Variants in ASB18 observed in about 807,000 individuals in gnomAD.
The protein encoded by ASB18 is ankyrin repeat and SOCS box protein 18.
A neutral mutation model predicts 33.4 loss-of-function variants in ASB18; 33 were observed. The observed-to-expected ratio is 0.99, with a 90% confidence interval of 0.75 to 1.32. ASB18 has a LOEUF of 1.32. Among genes scored for constraint, ASB18 ranks in the 40% most tolerant of loss-of-function variants. The pLI is 0.00. For synonymous variants in ASB18, 295 were observed against 307.6 expected, an observed-to-expected ratio of 0.96 and a Z score of 0.43; for missense variants, 694 against 655.5, an observed-to-expected ratio of 1.06 and a Z score of -0.64.
rs556567287 is a variant in ASB18, at chr2:236,202,756, C to T, written c.1102-6371G>A. On this transcript the variant is annotated intron_variant, in intron 4 of 5. Transcript: ENST00000409749. ...ATCACGCCACTGCACTCCAGCCTGG[C>T]GACAGAGTGAGACTCCGTCTCAAAA... Among the ~76,000 whole-genome samples the T allele has an allele frequency of 3.0e-4, 38 of 128,274 alleles. 1 individual carries two copies. The highest frequency in any genetic ancestry group is 1.0e-3 in the African/African-American group (33 of 31,498). The allele number at this position is 128,274 out of a possible 152,430, so 84.2% of individuals were successfully genotyped here.
rs1300828515 is a variant in ASB18 at position 236,257,380 on chromosome 2, T to C, written c.205+6761A>G. Among the ~76,000 whole-genome samples, 1 of 152,220 alleles carries C rather than the reference T, an allele frequency of 6.6e-6. No individual in the cohort carries two copies. Among genetic ancestry groups the C allele is most frequent in the Admixed American group, 6.5e-5 (1 of 15,286 alleles). ...CAAGACAGCAGAGCGCTTCTCCTCC[T>C]GCCTGCCCTGCCGTGGGTGACCTCT... is the stretch of plus-strand genomic sequence containing the variant. On this transcript the variant is annotated intron_variant, in intron 1 of 5. Transcript: ENST00000409749. The surrounding 1 kb of genome is among the most constrained non-coding windows in gnomAD (Gnocchi z 5.5).
rs750261140 is a variant in ASB18, at chr2:236,244,852, G to A, written c.206-3450C>T. ...ATATAGATGTGTTTTGACCCTTGTT[G>A]TAGAACCCTTGTTCTGACCCCTGTT... is the stretch of plus-strand genomic sequence containing the variant. On this transcript the variant is annotated intron_variant, in intron 1 of 5. Transcript: ENST00000409749. The surrounding 1 kb of genome is among the most constrained non-coding windows in gnomAD (Gnocchi z 6.1). 1.4e-4 allele frequency among the ~76,000 whole-genome samples: 21 copies of A among 152,224 alleles called. No individual in the cohort carries two copies. The highest frequency in any genetic ancestry group is 2.2e-4 in the Non-Finnish European group (15 of 68,042).
In ASB18 at chr2:236,237,937, G is replaced by C. The variant is rs1240715364; in HGVS notation, c.348C>G (p.Tyr116Ter). 2.3e-5 allele frequency: 35 copies of C among 1,505,448 alleles called. No individual in the cohort carries two copies. The highest frequency in any genetic ancestry group is 3.0e-5 in the Non-Finnish European group (34 of 1,133,316). The allele number at this position is 1,505,448 out of a possible 1,614,324, so 93.3% of individuals were successfully genotyped here. Residue 116 changes from tyrosine to a stop codon, truncating the protein, a stop_gained, in exon 3 of 6, where the codon TAC (tyrosine) becomes TAG (stop). Transcript: ENST00000409749. LOFTEE classifies it high-confidence loss of function. This position sits in a 1 kb window ranked among gnomAD's most constrained non-coding sequence, Gnocchi z 6.2. Reference protein sequence around the residue: ...FGLSGLWTLEYKRELTTPLCI... With the variant: ...FGLSGLWTLE ...ACAGGGGCGTGGTGAGCTCACGCTT[G>C]TACTCCAGGGTCCAGAGGCCTGCGG...
In ASB18 at chr2:236,196,295, C is replaced by T; in HGVS notation, c.1192G>A (p.Val398Met). 6.4e-7 allele frequency: 1 copy of T among 1,556,896 alleles called. No homozygotes were observed. Among genetic ancestry groups the T allele is most frequent in the Non-Finnish European group, 8.7e-7 (1 of 1,148,714 alleles). The change falls in exon 5 of 6, where the codon GTG (valine) becomes ATG (methionine). Residue 398 changes from valine (V) to methionine (M), a missense_variant. Coordinates refer to ENST00000409749, the MANE Select transcript of ASB18 (RefSeq NM_212556.4). This position sits in a 1 kb window ranked among gnomAD's most constrained non-coding sequence, Gnocchi z 5.6. Reference sequence around the variant, plus strand: ...GCCTGGAATACTTCCTCAGGAATCACTTCCTTCCAGGACTCTGACAAGCAG... The same window carrying T: ...GCCTGGAATACTTCCTCAGGAATCATTTCCTTCCAGGACTCTGACAAGCAG... ...QLCLSESWKE[V>M]IPEEVFQMHK... is the part of the protein sequence containing the mutation.
In ASB18 at chr2:236,237,659, G is replaced by T; in HGVS notation, c.596+30C>A. The stretch of plus-strand genomic sequence containing the variant: ...GGGCGTCTGGTCTCGGGGCGGGGCG[G>T]ACGCCGCGGGCCTGTCCCGAGGTCC... On this transcript the variant is annotated intron_variant, in intron 3 of 5. Transcript: ENST00000409749. This position sits in a 1 kb window ranked among gnomAD's most constrained non-coding sequence, Gnocchi z 6.2. 7.3e-7 allele frequency: 1 copy of T among 1,368,914 alleles called. No homozygotes were observed. The highest frequency in any genetic ancestry group is 9.4e-7 in the Non-Finnish European group (1 of 1,068,482). The allele number at this position is 1,368,914 out of a possible 1,614,324, so 84.8% of individuals were successfully genotyped here. A position where few individuals can be genotyped will look rare whatever the true frequency, so the allele number is the denominator to read the frequency against.
rs1205270610 is a variant in ASB18, at chr2:236,221,836, T to C, written c.597-6970A>G. On this transcript the variant is annotated intron_variant, in intron 3 of 5. Transcript: ENST00000409749. This position sits in a 1 kb window ranked among gnomAD's most constrained non-coding sequence, Gnocchi z 5.6. ...TGTTCAGTGGGGGTAATGGGTGTTA[T>C]GAGCTCGTCTTGTTGAATTACTGTT... 1.3e-5 allele frequency among the ~76,000 whole-genome samples: 2 copies of C among 152,140 alleles called. No individual in the cohort carries two copies. Among genetic ancestry groups the C allele is most frequent in the Admixed American group, 6.5e-5 (1 of 15,282 alleles).
At position 236,239,775 on chromosome 2, in the gene ASB18, C is replaced by T. The variant is rs1234528725; in HGVS notation, c.328+1505G>A. Reference sequence around the variant, plus strand: ...GGAATTGGCCACCGGGAAGTCTTTTCATGGGAGAGCACATGGGGCCACTGC... The same window carrying T: ...GGAATTGGCCACCGGGAAGTCTTTTTATGGGAGAGCACATGGGGCCACTGC... On this transcript the variant is annotated intron_variant, in intron 2 of 5. Coordinates refer to ENST00000409749, the MANE Select transcript of ASB18 (RefSeq NM_212556.4). The surrounding 1 kb of genome is among the most constrained non-coding windows in gnomAD (Gnocchi z 5.6). Among the ~76,000 whole-genome samples the T allele has an allele frequency of 2.6e-5, 4 of 152,210 alleles. No individual in the cohort carries two copies.
rs2060500512 is a variant in ASB18, at chr2:236,219,174, C to G, written c.597-4308G>C. On this transcript the variant is annotated intron_variant, in intron 3 of 5. Transcript: ENST00000409749. The surrounding 1 kb of genome is among the most constrained non-coding windows in gnomAD (Gnocchi z 6.4). ...TACAGGCATGAGCCACCGTGCCCTG[C>G]CAAAAAACCTAGAAATTTAGAGGGC... 6.6e-6 allele frequency among the ~76,000 whole-genome samples: 1 copy of G among 152,098 alleles called. No individual in the cohort carries two copies. The highest frequency in any genetic ancestry group is 1.5e-5 in the Non-Finnish European group (1 of 68,018).
At chr2:236,197,079 C>T (rs996821770) in intron 4 of ASB18, among the ~76,000 whole-genome samples, 2 of 149,182 alleles carry the variant, frequency 1.3e-5, no homozygotes, top group East Asian at 1.9e-4. Context: ...CCCGCCCCCC[C>T]CATCAACCCA....
rs186728776 is a variant in ASB18, at chr2:236,204,970, C to T, written c.1102-8585G>A. Among the ~76,000 whole-genome samples the T allele has an allele frequency of 3.9e-5, 6 of 152,192 alleles. No individual in the cohort carries two copies. Among genetic ancestry groups the T allele is most frequent in the Non-Finnish European group, 5.9e-5 (4 of 68,038 alleles). On this transcript the variant is annotated intron_variant, in intron 4 of 5. Coordinates refer to ENST00000409749, the MANE Select transcript of ASB18 (RefSeq NM_212556.4). This position sits in a 1 kb window ranked among gnomAD's most constrained non-coding sequence, Gnocchi z 5.1. ...CATCTGTTAAAAAATCCTGTTGGCT[C>T]TACCTCCAAAATATATCCAGGGTCA...
rs150629593 is a variant in ASB18, at chr2:236,226,347, T to G, written c.596+11342A>C. The stretch of plus-strand genomic sequence containing the variant: ...TAAACTTTCCCCCAATAATCTGGAT[T>G]TAAATAAGTCAAGAGTGTCAAATTA... On this transcript the variant is annotated intron_variant, in intron 3 of 5. Coordinates refer to ENST00000409749, the MANE Select transcript of ASB18 (RefSeq NM_212556.4). This position sits in a 1 kb window ranked among gnomAD's most constrained non-coding sequence, Gnocchi z 4.8. 5.8e-4 allele frequency among the ~76,000 whole-genome samples: 88 copies of G among 152,212 alleles called. No homozygotes were observed. Among genetic ancestry groups the G allele is most frequent in the African/African-American group, 2.0e-3 (82 of 41,518 alleles).
intron 4 of ASB18, among the ~76,000 whole-genome samples, chr2:236,207,036 G>A (rs1039492172): frequency 2.0e-5 from 3 of 152,194 alleles, no homozygotes; most frequent in African/African-American, 7.2e-5. Context: ...GAAATACCCT[G>A]GTTTCTTTCT....
In ASB18 at chr2:236,259,483, T is replaced by C. The variant is rs917681794; in HGVS notation, c.205+4658A>G. 1.1e-5 allele frequency: 5 copies of C among 470,500 alleles called. No homozygotes were observed. The highest frequency in any genetic ancestry group is 2.0e-5 in the African/African-American group (1 of 50,102). The allele number at this position is 470,500 out of a possible 1,614,324, so 29.1% of individuals were successfully genotyped here. On this transcript the variant is annotated intron_variant, in intron 1 of 5. Coordinates refer to ENST00000409749, the MANE Select transcript of ASB18 (RefSeq NM_212556.4). This position sits in a 1 kb window ranked among gnomAD's most constrained non-coding sequence, Gnocchi z 4.4. ...ATGCACTTCCGTAATGGATGGAGAC[T>C]AAGGGCTTTATGCTTTCATGCAGGG...
Position 236,222,365 on chromosome 2 carries a change from G to A in ASB18, c.597-7499C>T, listed in dbSNP as rs1300751482. Among the ~76,000 whole-genome samples, 5 of 152,200 alleles carry A rather than the reference G, an allele frequency of 3.3e-5. No individual in the cohort carries two copies. Among genetic ancestry groups the A allele is most frequent in the Admixed American group, 6.5e-5 (1 of 15,282 alleles). On this transcript the variant is annotated intron_variant, in intron 3 of 5. Transcript: ENST00000409749. The surrounding 1 kb of genome is among the most constrained non-coding windows in gnomAD (Gnocchi z 5.5). ...ACTGGTTGGCCATTTCTATCATCACGGTTTCCCTTGGAGCAATGGCTGCCA... is the reference window on the plus strand; with the variant it reads ...ACTGGTTGGCCATTTCTATCATCACAGTTTCCCTTGGAGCAATGGCTGCCA...
Position 236,214,009 on chromosome 2 carries a change from G to A in ASB18, c.1101+353C>T. 1 of 242,186 alleles carries A rather than the reference G, an allele frequency of 4.1e-6. No individual in the cohort carries two copies. The highest frequency in any genetic ancestry group is 1.3e-3 in the Middle Eastern group (1 of 780). 15.0% of individuals were successfully genotyped at this position (242,186 alleles called of 1,614,324 possible). A position where few individuals can be genotyped will look rare whatever the true frequency, so the allele number is the denominator to read the frequency against. On this transcript the variant is annotated intron_variant, in intron 4 of 5. Transcript: ENST00000409749. The surrounding 1 kb of genome is among the most constrained non-coding windows in gnomAD (Gnocchi z 6.5). ...GAGCTGCCAAAATATTTTGAGCTCTGACTGCATCATCGAAATAAGTGCCTG... is the reference window on the plus strand; with the variant it reads ...GAGCTGCCAAAATATTTTGAGCTCTAACTGCATCATCGAAATAAGTGCCTG...
chr2:236,205,757 A>G lies in ASB18; in HGVS notation c.1101+8605T>C, dbSNP rs1447438819. ...CCCTTGATATCTAAAAGTGTCTTTC[A>G]TCATCAAAATGAAAGTATCTTCACT... On this transcript the variant is annotated intron_variant, in intron 4 of 5. Coordinates refer to ENST00000409749, the MANE Select transcript of ASB18 (RefSeq NM_212556.4). This position sits in a 1 kb window ranked among gnomAD's most constrained non-coding sequence, Gnocchi z 5.4. 6.6e-6 allele frequency among the ~76,000 whole-genome samples: 1 copy of G among 152,252 alleles called. No homozygotes were observed. The highest frequency in any genetic ancestry group is 1.5e-5 in the Non-Finnish European group (1 of 68,044).
rs754774000 is a variant in ASB18, at chr2:236,216,425, CCTCCCTCTTCCCCAGGCCTAAGGAAGGCA to C, written c.597-1588_597-1560del. On this transcript the variant is annotated intron_variant, in intron 3 of 5. Transcript: ENST00000409749. This position sits in a 1 kb window ranked among gnomAD's most constrained non-coding sequence, Gnocchi z 6.1. ...GAATCTGTTTTGACAACAGCTGTTGCCTCCCTCTTCCCCAGGCCTAAGGAAGGCACTCCCTCTTGATCATCTTGGCCCAG... is the reference window on the plus strand; with the variant it reads ...GAATCTGTTTTGACAACAGCTGTTGCCTCCCTCTTGATCATCTTGGCCCAG... 4.6e-4 allele frequency among the ~76,000 whole-genome samples: 70 copies of C among 152,206 alleles called. No homozygotes were observed. Among genetic ancestry groups the C allele is most frequent in the Non-Finnish European group, 8.7e-4 (59 of 68,040 alleles).
rs1289835739 is a variant in ASB18 at position 236,208,847 on chromosome 2, C to CA, written c.1101+5514dup. ...GCTGTCTGCGGAGAGGCGGCTGCCACATTACTCTGACATGCTGATGTCATT... is the reference window on the plus strand; with the variant it reads ...GCTGTCTGCGGAGAGGCGGCTGCCACAATTACTCTGACATGCTGATGTCATT... On this transcript the variant is annotated intron_variant, in intron 4 of 5. Coordinates refer to ENST00000409749, the MANE Select transcript of ASB18 (RefSeq NM_212556.4). The surrounding 1 kb of genome is among the most constrained non-coding windows in gnomAD (Gnocchi z 7.7). Among the ~76,000 whole-genome samples, 65 of 152,316 alleles carry CA rather than the reference C, an allele frequency of 4.3e-4. No homozygotes were observed. Among genetic ancestry groups the CA allele is most frequent in the African/African-American group, 1.5e-3 (62 of 41,558 alleles).
In ASB18 at chr2:236,211,631, C is replaced by T. The variant is rs1285259059; in HGVS notation, c.1101+2731G>A. On this transcript the variant is annotated intron_variant, in intron 4 of 5. Transcript: ENST00000409749. The surrounding 1 kb of genome is among the most constrained non-coding windows in gnomAD (Gnocchi z 5.0). The stretch of plus-strand genomic sequence containing the variant: ...TGGCGCCCGTGTGGTGCCTGCCCAG[C>T]ATCTTTGTGGCTGGCTGCAGCGTCT... 6.6e-6 allele frequency among the ~76,000 whole-genome samples: 1 copy of T among 152,248 alleles called. No individual in the cohort carries two copies. Among genetic ancestry groups the T allele is most frequent in the African/African-American group, 2.4e-5 (1 of 41,468 alleles).
Sources: gnomAD v4.1 joint callset for allele counts (sites outside exome capture counted in the v4.1 genomes callset) on GRCh38, gnomAD v4.1.1 for gene constraint, Gnocchi (gnomAD v3.1) non-coding constraint, MANE v1.5 for transcripts, NCBI Gene and HGNC (gene_info 2026-07-23, HGNC 2026-07-21) for gene names.